The following ALCAM variants were observed in gnomAD, a reference collection of about 807,000 sequenced individuals.
ALCAM encodes CD166 antigen.
A neutral mutation model predicts 70.9 loss-of-function variants in ALCAM; 30 were observed. The observed-to-expected ratio is 0.42, with a 90% CI of 0.32 to 0.57. The LOEUF (loss-of-function observed/expected upper bound fraction) is 0.57, where lower values mean the gene tolerates loss of function less well. Among genes scored for constraint, ALCAM ranks in the 20% least tolerant of loss-of-function variants. The pLI, the probability that ALCAM is intolerant of heterozygous loss-of-function variation, is 0.11. For synonymous variants in ALCAM, 249 were observed against 242.5 expected (o/e 1.03, Z -0.25); for missense variants, 591 against 695.1 (o/e 0.85, Z 1.68).
chr3:105,547,806 T>G (rs140760478), intron 11 of ALCAM, among the ~76,000 whole-genome samples: 3 of 151,594 alleles, frequency 2.0e-5, no homozygotes, highest in East Asian at 3.9e-4. Flanking sequence ...AGAATATAAA[T>G]TAGGTATTAC....
chr3:105,515,622 C>G (rs1939361614), intron 1 of ALCAM, among the ~76,000 whole-genome samples: 1 of 151,940 alleles, frequency 6.6e-6, no homozygotes, highest in African/African-American at 2.4e-5. Context: ...AAGAGTGGTG[C>G]TGTCATCTAA....
intron 1 of ALCAM, among the ~76,000 whole-genome samples, chr3:105,510,402 A>G (rs1939206687): frequency 6.6e-6 from 1 of 152,238 alleles, no homozygotes; most frequent in African/African-American, 2.4e-5. Context: ...TAACCTTAGC[A>G]CAAATCTGGT....
chr3:105,416,363 A>T (rs1021568910), intron 1 of ALCAM, among the ~76,000 whole-genome samples: 1 of 152,018 alleles, frequency 6.6e-6, no homozygotes, highest in African/African-American at 2.4e-5. Context: ...CAGCTATGTG[A>T]TATTGGTCAA....
At chr3:105,408,308 A>G (rs1211761494) in intron 1 of ALCAM, among the ~76,000 whole-genome samples, 1 of 152,202 alleles carries the variant, frequency 6.6e-6, no homozygotes, top group Non-Finnish European at 1.5e-5. Context: ...ACTGTACTAT[A>G]AGGCCATAGT....
chr3:105,529,828 AG>A (rs1939794414), intron 3 of ALCAM, among the ~76,000 whole-genome samples: 1 of 152,126 alleles, frequency 6.6e-6, no homozygotes, highest in African/African-American at 2.4e-5. Flanking sequence ...AAAACATTAC[AG>A]GGTTTACAAA....
chr3:105,473,656 C>A (rs959991571), intron 1 of ALCAM, among the ~76,000 whole-genome samples: 7 of 151,510 alleles, frequency 4.6e-5, no homozygotes, highest in African/African-American at 1.7e-4. Context: ...AGCTCAGAAA[C>A]CCTGCAGTCT....
intron 14 of ALCAM, among the ~76,000 whole-genome samples, chr3:105,554,908 A>T (rs1026399110): frequency 6.6e-6 from 1 of 151,748 alleles, no homozygotes; most frequent in Non-Finnish European, 1.5e-5. Context: ...AACAATGAAA[A>T]TAAAATTTCC....
At chr3:105,431,508 T>C (rs1267092445) in intron 1 of ALCAM, among the ~76,000 whole-genome samples, 3 of 152,102 alleles carry the variant, frequency 2.0e-5, no homozygotes, top group Non-Finnish European at 4.4e-5. Context: ...TGCTTTCTGC[T>C]TGTATCCCAT....
chr3:105,568,063 ATTT>A (rs71111369), intron 14 of ALCAM, among the ~76,000 whole-genome samples: 51 of 116,950 alleles, frequency 4.4e-4, no homozygotes, highest in Middle Eastern at 4.3e-3. Flanking sequence ...ATTTTATTTT[ATTT>A]TTTTTTTTTT....
intron 1 of ALCAM, among the ~76,000 whole-genome samples, chr3:105,402,543 G>A (rs1576137289): frequency 6.6e-6 from 1 of 152,186 alleles, no homozygotes; most frequent in South Asian, 2.1e-4. Flanking sequence ...TGTTGGTGGG[G>A]CATGGTGGGA....
intron 1 of ALCAM, among the ~76,000 whole-genome samples, chr3:105,433,386 A>C (rs1015426551): frequency 2.6e-5 from 4 of 152,204 alleles, no homozygotes; most frequent in Non-Finnish European, 2.9e-5. Flanking sequence ...TTTGAAAACC[A>C]GTGATGTCCA....
chr3:105,432,211 T>C (rs968172967), intron 1 of ALCAM, among the ~76,000 whole-genome samples: 2 of 152,202 alleles, frequency 1.3e-5, no homozygotes, highest in Non-Finnish European at 2.9e-5. Context: ...ATTTTTCGTT[T>C]TAGGGTTTGT....
At chr3:105,507,698 T>C (rs1323534161) in intron 1 of ALCAM, among the ~76,000 whole-genome samples, 1 of 152,214 alleles carries the variant, frequency 6.6e-6, no homozygotes, top group Non-Finnish European at 1.5e-5. Flanking sequence ...GTTTTAGAAG[T>C]TATAAGTAAA....
At position 105,545,325 on chromosome 3, in the gene ALCAM, T is replaced by C. The variant is rs1254149172; in HGVS notation, c.1094T>C (p.Val365Ala). The change falls in exon 9 of 16, where the codon GTA becomes GCA. Residue 365 changes from valine to alanine, a missense_variant. Physicochemically the swap from Val to Ala is moderately conservative, Grantham distance 64. Around this residue, in one of 2 missense-constraint regions of ALCAM, gnomAD observed 427 missense variants for 450.4 expected, o/e 0.95. Coordinates refer to ENST00000306107, the MANE Select transcript of ALCAM (RefSeq NM_001627.4). The part of the protein sequence containing the change: ...TISASRNATV[V>A]WMKDNIRLRS... Reference sequence around the variant, plus strand: ...TCTGCTAGCAGGAATGCAACTGTGGTATGGATGAAAGTAAGTAATATTTTT... The same window carrying C: ...TCTGCTAGCAGGAATGCAACTGTGGCATGGATGAAAGTAAGTAATATTTTT... 1.2e-6 allele frequency: 2 copies of C among 1,606,342 alleles called. No individual in the cohort carries two copies. The highest frequency in any genetic ancestry group is 2.2e-5 in the East Asian group (1 of 44,704).
At chr3:105,543,234 T>G (rs1940166551) in intron 8 of ALCAM, among the ~76,000 whole-genome samples, 1 of 151,698 alleles carries the variant, frequency 6.6e-6, no homozygotes, top group African/African-American at 2.4e-5. Context: ...AAGACTTGGT[T>G]GCAGCCATAT....
At chr3:105,396,076 TA>T (rs1935943788) in intron 1 of ALCAM, among the ~76,000 whole-genome samples, 1 of 152,004 alleles carries the variant, frequency 6.6e-6, no homozygotes, top group Non-Finnish European at 1.5e-5. Flanking sequence ...GCTAATAAAG[TA>T]GACTGGGCAA....
intron 1 of ALCAM, among the ~76,000 whole-genome samples, chr3:105,502,564 G>C (rs1938953533): frequency 6.6e-6 from 1 of 152,230 alleles, no homozygotes; most frequent in Non-Finnish European, 1.5e-5. Flanking sequence ...TGACTTCCCA[G>C]CAGAGCAGGG....
At chr3:105,417,116 A>G (rs934495252) in intron 1 of ALCAM, among the ~76,000 whole-genome samples, 3 of 151,746 alleles carry the variant, frequency 2.0e-5, no homozygotes, top group South Asian at 2.1e-4. Context: ...CTTATTTTCA[A>G]AAATGTCTCC....
intron 1 of ALCAM, among the ~76,000 whole-genome samples, chr3:105,500,760 T>A (rs941210894): frequency 2.0e-5 from 3 of 152,204 alleles, no homozygotes; most frequent in Non-Finnish European, 4.4e-5. Flanking sequence ...GATGAGTGAC[T>A]GCAATAAATT....
Sources: gnomAD v4.1 joint callset for allele counts (sites outside exome capture counted in the v4.1 genomes callset) on GRCh38, gnomAD v4.1.1 for gene constraint, gnomAD v4.1.1 regional missense constraint, MANE v1.5 for transcripts, NCBI Gene and HGNC (gene_info 2026-07-23, HGNC 2026-07-21) for gene names.